Variants in AGAP1 observed in about 807,000 individuals in gnomAD.
AGAP1 encodes arf-GAP with GTPase, ANK repeat and PH domain-containing protein 1.
Under a neutral mutation model 105.3 loss-of-function variants are expected in AGAP1, and 29 were observed. That is an observed-to-expected ratio of 0.28 (90% confidence interval 0.21 to 0.38). AGAP1 has a LOEUF of 0.38. Among genes scored for constraint, AGAP1 ranks in the 10% least tolerant of loss-of-function variants. The probability of loss-of-function intolerance (pLI) is 1.00; values close to 1 mark genes in which losing one functional copy is unlikely to be tolerated. For synonymous variants in AGAP1, 509 were observed against 485.9 expected, an observed-to-expected ratio of 1.05 and a Z score of -0.63; for missense variants, 998 against 1,165.1, an observed-to-expected ratio of 0.86 and a Z score of 2.09.
rs766732426 is a variant in AGAP1 at position 235,709,174 on chromosome 2, T to C, written c.164-5T>C. On this transcript the variant is annotated splice_polypyrimidine_tract_variant and splice_region_variant and intron_variant, in intron 1 of 17. Coordinates refer to ENST00000304032, the MANE Select transcript of AGAP1 (RefSeq NM_001037131.3). ...TGTCTGACTTTGTGTCCTCCTCTTT[T>C]TCAGATGCCTTCGTGAACAGCCAGG... is the stretch of plus-strand genomic sequence containing the variant. 1 of 1,614,112 alleles carries C rather than the reference T, an allele frequency of 6.2e-7. No individual in the cohort carries two copies. The highest frequency in any genetic ancestry group is 8.5e-7 in the Non-Finnish European group (1 of 1,180,004).
rs994586841 is a variant in AGAP1 at position 235,623,037 on chromosome 2, G to T, written c.164-86142G>T. Among the ~76,000 whole-genome samples the T allele has an allele frequency of 2.6e-5, 4 of 152,126 alleles. No individual in the cohort carries two copies. The highest frequency in any genetic ancestry group is 7.2e-5 in the African/African-American group (3 of 41,422). ...ATTCTGGATTGAGAAAAGTGGAAGA[G>T]GTTAGAAGCTAACTTGGACATTCTT... On this transcript the variant is annotated intron_variant, in intron 1 of 17. Transcript: ENST00000304032. The surrounding 1 kb of genome is among the most constrained non-coding windows in gnomAD (Gnocchi z 4.5).
In AGAP1 at chr2:236,125,322, A is replaced by G. The variant is rs1046998861; in HGVS notation, c.*1200A>G. The stretch of plus-strand genomic sequence containing the variant: ...AAATTGAACTGGATGTGAACTAATA[A>G]TGTGCAACTAGTTGAGATAAGAGGG... On this transcript the variant is annotated 3_prime_UTR_variant, in exon 18 of 18. Transcript: ENST00000304032. The surrounding 1 kb of genome is among the most constrained non-coding windows in gnomAD (Gnocchi z 5.2). The G allele has an allele frequency of 5.9e-5, 9 of 152,684 alleles. No individual in the cohort carries two copies. The highest frequency in any genetic ancestry group is 1.9e-4 in the African/African-American group (8 of 41,464). 9.5% of individuals were successfully genotyped at this position (152,684 alleles called of 1,614,324 possible).
chr2:235,744,757 C>T lies in AGAP1; in HGVS notation c.456C>T (p.Phe152=). 6.2e-7 allele frequency: 1 copy of T among 1,613,954 alleles called. No individual in the cohort carries two copies. The change falls in exon 5 of 18, where the codon TTC becomes TTT. Residue 152 remains phenylalanine, a synonymous_variant. Transcript: ENST00000304032. This position sits in a 1 kb window ranked among gnomAD's most constrained non-coding sequence, Gnocchi z 5.2. ...TCAGCTTGGAGGATGAAATAAGTTTCCAGACCGTTTACCACTACTACAGTC... is the reference window on the plus strand; with the variant it reads ...TCAGCTTGGAGGATGAAATAAGTTTTCAGACCGTTTACCACTACTACAGTC... The part of the protein sequence containing the change: ...FVFSLEDEIS[F]QTVYHYYSRM...
chr2:235,616,795 GAA>G (rs1466963068), intron 1 of AGAP1, among the ~76,000 whole-genome samples: 2 of 152,258 alleles, frequency 1.3e-5, no homozygotes, highest in Middle Eastern at 3.4e-3. Flanking sequence ...ACAAAATTCT[GAA>G]CGTATGATTT....
Position 235,551,230 on chromosome 2 carries a change from A to G in AGAP1, c.163+56381A>G, listed in dbSNP as rs959377193. ...GGAAAGGTCTTCATGTCTCACTTGTATGCCTTCTTGGATCAGGATTTCCAG... is the reference window on the plus strand; with the variant it reads ...GGAAAGGTCTTCATGTCTCACTTGTGTGCCTTCTTGGATCAGGATTTCCAG... On this transcript the variant is annotated intron_variant, in intron 1 of 17. Coordinates refer to ENST00000304032, the MANE Select transcript of AGAP1 (RefSeq NM_001037131.3). The surrounding 1 kb of genome is among the most constrained non-coding windows in gnomAD (Gnocchi z 4.8). Among the ~76,000 whole-genome samples the G allele has an allele frequency of 6.6e-6, 1 of 152,112 alleles. No homozygotes were observed. The highest frequency in any genetic ancestry group is 1.5e-5 in the Non-Finnish European group (1 of 68,022).
chr2:235,869,579 C>G (rs547453242), intron 9 of AGAP1, among the ~76,000 whole-genome samples: 1 of 152,128 alleles, frequency 6.6e-6, no homozygotes, highest in African/African-American at 2.4e-5. Flanking sequence ...CCAGCCTGAG[C>G]GACAGAGCGA....
Position 235,887,181 on chromosome 2 carries a change from A to C in AGAP1, c.1155+3732A>C, listed in dbSNP as rs1327153274. ...TGCTGTGACACCCACATCCTTGGCT[A>C]TCTCCAGGATGTATTACGGCAGAAG... On this transcript the variant is annotated intron_variant, in intron 10 of 17. Transcript: ENST00000304032. This position sits in a 1 kb window ranked among gnomAD's most constrained non-coding sequence, Gnocchi z 4.1. Among the ~76,000 whole-genome samples the C allele has an allele frequency of 1.3e-5, 2 of 152,102 alleles. No homozygotes were observed. The highest frequency in any genetic ancestry group is 2.9e-5 in the Non-Finnish European group (2 of 68,020).
intron 3 of AGAP1, among the ~76,000 whole-genome samples, chr2:235,727,411 C>G (rs929027609): frequency 2.0e-5 from 3 of 152,032 alleles, no homozygotes; most frequent in African/African-American, 4.8e-5. Context: ...CCAGCTTGCA[C>G]GGTTTGAACT....
At chr2:235,809,421 C>T (rs1958012619) in intron 9 of AGAP1, among the ~76,000 whole-genome samples, 1 of 152,052 alleles carries the variant, frequency 6.6e-6, no homozygotes, top group Non-Finnish European at 1.5e-5. Flanking sequence ...CCCCCTCTTG[C>T]AGCCACAGAC....
chr2:235,594,890 T>G (rs796112825), intron 1 of AGAP1, among the ~76,000 whole-genome samples: 40 of 149,430 alleles, frequency 2.7e-4, no homozygotes, highest in African/African-American at 8.8e-4. Flanking sequence ...GCTGTTTTTT[T>G]TTTTTTTTTT....
At chr2:235,519,329 TC>T (rs534913784) in intron 1 of AGAP1, among the ~76,000 whole-genome samples, 83 of 152,256 alleles carry the variant, frequency 5.5e-4, no homozygotes, top group African/African-American at 1.9e-3. Context: ...CACTATGGCC[TC>T]CCGAGTTGCT....
In AGAP1 at chr2:236,104,419, C is replaced by T. The variant is rs10193307; in HGVS notation, c.2115-15773C>T. ...CCTGCAGCCTCATCAAATGACTCCC[C>T]AACAGGGGTGGATCCTGCCCCTCGA... On this transcript the variant is annotated intron_variant, in intron 16 of 17. Coordinates refer to ENST00000304032, the MANE Select transcript of AGAP1 (RefSeq NM_001037131.3). This position sits in a 1 kb window ranked among gnomAD's most constrained non-coding sequence, Gnocchi z 4.7. Among the ~76,000 whole-genome samples the T allele has an allele frequency of 0.054, 8,227 of 152,328 alleles. 748 individuals carry two copies. The highest frequency in any genetic ancestry group is 0.19 in the African/African-American group (7,771 of 41,552).
rs534973750 is a variant in AGAP1 at position 235,936,737 on chromosome 2, C to G, written c.1483+5814C>G. On this transcript the variant is annotated intron_variant, in intron 12 of 17. Coordinates refer to ENST00000304032, the MANE Select transcript of AGAP1 (RefSeq NM_001037131.3). The surrounding 1 kb of genome is among the most constrained non-coding windows in gnomAD (Gnocchi z 4.7). ...CTTTGATGGGAGGGTATCAGTGAAG[C>G]GTGGTGGGGAGGAAATACATGTGTT... Among the ~76,000 whole-genome samples the G allele has an allele frequency of 6.6e-6, 1 of 152,252 alleles. No homozygotes were observed. Among genetic ancestry groups the G allele is most frequent in the South Asian group, 2.1e-4 (1 of 4,824 alleles).
intron 1 of AGAP1, among the ~76,000 whole-genome samples, chr2:235,501,936 G>A (rs758271132): frequency 6.6e-6 from 1 of 152,112 alleles, no homozygotes; most frequent in Non-Finnish European, 1.5e-5. Context: ...ACCTTTCTCC[G>A]AGAAACAAAA....
chr2:235,591,778 T>TTTTA (rs1945346184), intron 1 of AGAP1, among the ~76,000 whole-genome samples: 1 of 152,106 alleles, frequency 6.6e-6, no homozygotes, highest in African/African-American at 2.4e-5. Flanking sequence ...GTTTTGTTTT[T>TTTTA]AATTTTCCTT....
intron 16 of AGAP1, among the ~76,000 whole-genome samples, chr2:236,081,067 T>TGTG (rs1244643735): frequency 6.6e-6 from 1 of 152,218 alleles, no homozygotes; most frequent in Non-Finnish European, 1.5e-5. Context: ...CTGTAGATAC[T>TGTG]GTGGCCCATG....
rs1178279545 is a variant in AGAP1, at chr2:235,905,956, T to G, written c.1156-2782T>G. ...TACATCCTCTCAAAGTTGATTATGT[T>G]TTGTGGAGTCCAGCATCTCAACTTC... is the stretch of plus-strand genomic sequence containing the variant. On this transcript the variant is annotated intron_variant, in intron 10 of 17. Coordinates refer to ENST00000304032, the MANE Select transcript of AGAP1 (RefSeq NM_001037131.3). This position sits in a 1 kb window ranked among gnomAD's most constrained non-coding sequence, Gnocchi z 4.2. Among the ~76,000 whole-genome samples the G allele has an allele frequency of 6.6e-6, 1 of 152,226 alleles. No individual in the cohort carries two copies. The highest frequency in any genetic ancestry group is 1.5e-5 in the Non-Finnish European group (1 of 68,038).
intron 16 of AGAP1, among the ~76,000 whole-genome samples, chr2:236,118,387 C>CT (rs529993131): frequency 0.017 from 1,926 of 116,192 alleles, 26 homozygotes; most frequent in African/African-American, 0.033. Flanking sequence ...TTTTCTTTTT[C>CT]TTTTTTTTTT....
At chr2:235,765,826 T>A (rs1284710151) in intron 6 of AGAP1, among the ~76,000 whole-genome samples, 1 of 152,194 alleles carries the variant, frequency 6.6e-6, no homozygotes, top group Non-Finnish European at 1.5e-5. Context: ...ATCTGGGTAC[T>A]GGGAAATACT....
Sources: gnomAD v4.1 joint callset for allele counts (sites outside exome capture counted in the v4.1 genomes callset) on GRCh38, gnomAD v4.1.1 for gene constraint, Gnocchi (gnomAD v3.1) non-coding constraint, MANE v1.5 for transcripts, NCBI Gene and HGNC (gene_info 2026-07-23, HGNC 2026-07-21) for gene names.